The following RSU1 variants were observed in gnomAD, a reference collection of about 807,000 sequenced individuals.
RSU1 encodes Ras suppressor protein 1, also known as rsu-1.
In RSU1, 26 loss-of-function variants were observed where a neutral mutation model predicts 31.1. The observed-to-expected ratio is 0.84, with a 90% CI of 0.61 to 1.16. RSU1 has a LOEUF of 1.16. Ranked by LOEUF, RSU1 falls within the 50% of genes most tolerant of loss-of-function variation. RSU1 has a pLI of 0.00. For synonymous variants in RSU1, 164 were observed against 136.3 expected, an observed-to-expected ratio of 1.20 and a Z score of -1.41; for missense variants, 320 against 339.1, an observed-to-expected ratio of 0.94 and a Z score of 0.44.
chr10:16,802,766 CA>C (rs1838185206), intron 2 of RSU1, among the ~76,000 whole-genome samples: 1 of 152,044 alleles, frequency 6.6e-6, no homozygotes, highest in Non-Finnish European at 1.5e-5. Context: ...TCACTTCAAA[CA>C]GGTGAAAGAA....
At chr10:16,810,908 G>A (rs1486977497) in intron 2 of RSU1, among the ~76,000 whole-genome samples, 2 of 151,878 alleles carry the variant, frequency 1.3e-5, no homozygotes, top group Admixed American at 6.6e-5. Flanking sequence ...TGTAATCTAC[G>A]CTACTTGGGA....
chr10:16,616,371 CAAAAAAA>C (rs529296931), intron 8 of RSU1, among the ~76,000 whole-genome samples: 37 of 90,970 alleles, frequency 4.1e-4, no homozygotes, highest in African/African-American at 1.1e-3. Flanking sequence ...GCCTACCAAC[CAAAAAAA>C]AAAAAAAAAA....
chr10:16,604,828 A>G (rs1486879610), intron 8 of RSU1, among the ~76,000 whole-genome samples: 1 of 152,162 alleles, frequency 6.6e-6, no homozygotes, highest in African/African-American at 2.4e-5. Context: ...TGGTTTACAC[A>G]CAAGCACGGG....
intron 8 of RSU1, among the ~76,000 whole-genome samples, chr10:16,659,301 C>CTTTTTTT (rs869035739): frequency 6.8e-4 from 69 of 100,758 alleles, no homozygotes; most frequent in African/African-American, 1.9e-3. Flanking sequence ...AGGTTATATT[C>CTTTTTTT]TTTTTTTTTT....
Position 16,637,456 on chromosome 10 carries a change from G to A in RSU1, c.732-43960C>T, listed in dbSNP as rs548531694. 1.7e-3 allele frequency among the ~76,000 whole-genome samples: 259 copies of A among 150,460 alleles called. 1 individual carries two copies. The highest frequency in any genetic ancestry group is 6.1e-3 in the African/African-American group (245 of 40,068). On this transcript the variant is annotated intron_variant, in intron 8 of 8. Coordinates refer to ENST00000345264, the MANE Select transcript of RSU1 (RefSeq NM_012425.4). ...AGTTTATACTTGTCATTTTCCTAAG[G>A]ATTTTTTTTTTTTTTTTAACTCATA... is the stretch of plus-strand genomic sequence containing the variant.
intron 7 of RSU1, among the ~76,000 whole-genome samples, chr10:16,709,435 G>A (rs1409655203): frequency 6.6e-6 from 1 of 152,104 alleles, no homozygotes; most frequent in African/African-American, 2.4e-5. Context: ...TTGCTATTGT[G>A]AATAGTGCCG....
chr10:16,637,863 G>C (rs1314215432), intron 8 of RSU1, among the ~76,000 whole-genome samples: 1 of 151,650 alleles, frequency 6.6e-6, no homozygotes, highest in Non-Finnish European at 1.5e-5. Flanking sequence ...GAGGAGAGTT[G>C]GATAGGAAGA....
chr10:16,601,289 G>T (rs1360765086), intron 8 of RSU1, among the ~76,000 whole-genome samples: 1 of 152,012 alleles, frequency 6.6e-6, no homozygotes, highest in Non-Finnish European at 1.5e-5. Context: ...TTTGTTTTTG[G>T]TCACCATATT....
chr10:16,594,634 AATATG>A (rs1260666952), intron 8 of RSU1, among the ~76,000 whole-genome samples: 2 of 146,764 alleles, frequency 1.4e-5, no homozygotes, highest in African/African-American at 2.5e-5. Flanking sequence ...TATGATAGAT[AATATG>A]ATATATATGA....
chr10:16,791,688 C>A (rs145358205), intron 2 of RSU1, among the ~76,000 whole-genome samples: 6 of 150,672 alleles, frequency 4.0e-5, no homozygotes, highest in Non-Finnish European at 8.9e-5. Context: ...GAGAAAGAAT[C>A]ATTATGTCTA....
intron 7 of RSU1, among the ~76,000 whole-genome samples, chr10:16,727,577 T>A (rs1304827589): frequency 6.6e-6 from 1 of 152,152 alleles, no homozygotes; most frequent in African/African-American, 2.4e-5. Context: ...GGGCCACTGT[T>A]TTTGGCGCAA....
At chr10:16,787,909 C>G (rs1240068971) in intron 2 of RSU1, among the ~76,000 whole-genome samples, 1 of 152,176 alleles carries the variant, frequency 6.6e-6, no homozygotes, top group Non-Finnish European at 1.5e-5. Flanking sequence ...CAGAAAGAGG[C>G]TAAGGGGAAG....
chr10:16,598,040 C>G (rs141223605), intron 8 of RSU1, among the ~76,000 whole-genome samples: 415 of 152,342 alleles, frequency 2.7e-3, no homozygotes, highest in African/African-American at 9.7e-3. Context: ...AGTTACGAGC[C>G]ACGGGGCCTC....
At chr10:16,775,207 T>C (rs1245006647) in intron 3 of RSU1, among the ~76,000 whole-genome samples, 3 of 149,216 alleles carry the variant, frequency 2.0e-5, no homozygotes, top group African/African-American at 7.5e-5. Context: ...GTACGTATAA[T>C]ATTTTGCTAT....
At chr10:16,722,861 C>T (rs373612715) in intron 7 of RSU1, among the ~76,000 whole-genome samples, 1 of 134,324 alleles carries the variant, frequency 7.4e-6, no homozygotes, top group African/African-American at 2.6e-5. Context: ...CACATATATA[C>T]ATATATGTAT....
At chr10:16,759,905 T>C (rs1445919986) in intron 4 of RSU1, among the ~76,000 whole-genome samples, 1 of 148,266 alleles carries the variant, frequency 6.7e-6, no homozygotes, top group Non-Finnish European at 1.5e-5. Flanking sequence ...TGGCTTCCCA[T>C]CTCCACTTTG....
At chr10:16,636,704 C>T (rs1834349450) in intron 8 of RSU1, among the ~76,000 whole-genome samples, 2 of 152,206 alleles carry the variant, frequency 1.3e-5, no homozygotes, top group Non-Finnish European at 2.9e-5. Flanking sequence ...TAGCTCTCTC[C>T]TGTGTGAAGC....
At chr10:16,595,420 CG>C (rs1833595081) in intron 8 of RSU1, among the ~76,000 whole-genome samples, 1 of 152,152 alleles carries the variant, frequency 6.6e-6, no homozygotes, top group South Asian at 2.1e-4. Flanking sequence ...GTCACTCTCA[CG>C]GAGTGTAGAA....
chr10:16,771,377 C>T (rs915556920), intron 3 of RSU1, among the ~76,000 whole-genome samples: 15 of 152,292 alleles, frequency 9.8e-5, no homozygotes, highest in African/African-American at 3.6e-4. Flanking sequence ...TGAAATATGA[C>T]ATGGGGCATC....
Sources: gnomAD v4.1 joint callset for allele counts (sites outside exome capture counted in the v4.1 genomes callset) on GRCh38, gnomAD v4.1.1 for gene constraint, MANE v1.5 for transcripts, NCBI Gene and HGNC (gene_info 2026-07-23, HGNC 2026-07-21) for gene names.